The following DUSP11 variants were observed in gnomAD, a reference collection of about 807,000 sequenced individuals.
DUSP11 encodes the protein RNA/RNP complex-1-interacting phosphatase.
DUSP11 carries 27 observed loss-of-function variants against 41.4 expected under a neutral mutation model. The observed-to-expected ratio is 0.65, with a 90% CI of 0.48 to 0.90. DUSP11 has a LOEUF of 0.90. Among genes scored for constraint, DUSP11 ranks in the 40% least tolerant of loss-of-function variants. DUSP11 has a pLI of 0.00. For synonymous variants in DUSP11, 188 were observed against 159.3 expected (o/e 1.18, Z -1.35); for missense variants, 465 against 461.1 (o/e 1.01, Z -0.08).
intron 4 of DUSP11, among the ~76,000 whole-genome samples, chr2:73,770,732 C>G (rs960689214): frequency 1.3e-5 from 2 of 152,224 alleles, no homozygotes; most frequent in East Asian, 3.9e-4. Flanking sequence ...CCTTCATAAA[C>G]TGGTATCAAT....
chr2:73,766,309 C>CAAAAA, intron 8 of DUSP11, 109 bp downstream of exon 8: 1 of 836,878 alleles, frequency 1.2e-6, no homozygotes, highest in Non-Finnish European at 1.7e-6. Context: ...ACTCTGTCTC[C>CAAAAA]AAAAAAAAAA....
intron 1 of DUSP11, 137 bp downstream of exon 1, chr2:73,779,737 G>C: frequency 7.5e-7 from 1 of 1,341,880 alleles, no homozygotes; most frequent in Non-Finnish European, 1.0e-6. Context: ...TGGCGCAGAG[G>C]GTCAAAGCCT....
chr2:73,778,380 T>C lies in DUSP11; in HGVS notation c.243-4A>G. 6.6e-7 allele frequency: 1 copy of C among 1,504,592 alleles called. No homozygotes were observed. The highest frequency in any genetic ancestry group is 8.9e-7 in the Non-Finnish European group (1 of 1,125,602). The allele number at this position is 1,504,592 out of a possible 1,614,324, so 93.2% of individuals were successfully genotyped here. A position where few individuals can be genotyped will look rare whatever the true frequency, so the allele number is the denominator to read the frequency against. Reference sequence around the variant, plus strand: ...AACTGGGAGATAGTCTTTCCACCTATTAGATATATTTTTTGTTAGCCAAAT... The same window carrying C: ...AACTGGGAGATAGTCTTTCCACCTACTAGATATATTTTTTGTTAGCCAAAT... On this transcript the variant is annotated splice_region_variant and splice_polypyrimidine_tract_variant and intron_variant, in intron 1 of 8. Transcript: ENST00000272444.
chr2:73,773,540 T>C lies in DUSP11; in HGVS notation c.574+260A>G, dbSNP rs1374887927. 5.2e-6 allele frequency: 2 copies of C among 387,094 alleles called. 1 individual carries two copies. Among genetic ancestry groups the C allele is most frequent in the South Asian group, 4.7e-5 (2 of 42,510 alleles). The allele number at this position is 387,094 out of a possible 1,614,324, so 24.0% of individuals were successfully genotyped here. A position where few individuals can be genotyped will look rare whatever the true frequency, so the allele number is the denominator to read the frequency against. On this transcript the variant is annotated intron_variant, in intron 4 of 8. Coordinates refer to ENST00000272444, the Ensembl canonical transcript of DUSP11. ...ACAAAAATAACATTTTAATTTTATA[T>C]ATTTCTCATTCAAATTAAAAAAGAA...
chr2:73,762,680 C>A, exon 9 of DUSP11: 1 of 1,612,518 alleles, frequency 6.2e-7, no homozygotes, highest in Non-Finnish European at 8.5e-7. Context: ...CCATTCCCAA[C>A]AGGCTGGATA....
At chr2:73,768,653 C>T in intron 5 of DUSP11, 1 of 985,234 alleles carries the variant, frequency 1.0e-6, no homozygotes, top group Non-Finnish European at 1.2e-6. Flanking sequence ...ACAACGCAGG[C>T]CTTAAAAAGA....
chr2:73,771,326 GCC>G (rs1346598927), intron 4 of DUSP11, among the ~76,000 whole-genome samples: 1 of 152,012 alleles, frequency 6.6e-6, no homozygotes, highest in African/African-American at 2.4e-5. Flanking sequence ...ATGGCTTTAG[GCC>G]CTGTGCCTTT....
intron 7 of DUSP11, 32 bp from the exon 8 acceptor site, chr2:73,766,626 T>G: frequency 6.3e-7 from 1 of 1,574,922 alleles, no homozygotes; most frequent in Non-Finnish European, 8.6e-7. Flanking sequence ...ACAATATTAC[T>G]GGTTTCCAAA....
At position 73,773,801 on chromosome 2, in the gene DUSP11, A is replaced by G; in HGVS notation, c.573T>C (p.Asn191=). The G allele has an allele frequency of 1.2e-6, 2 of 1,604,944 alleles. 1 individual carries two copies. The highest frequency in any genetic ancestry group is 2.2e-5 in the South Asian group (2 of 89,250). ...GTTCAGGTAAGAACAAAAACTCACC[A>G]TTATCTTTATTTTCTTTCAAAAACC... Residue 191 remains asparagine, a splice_region_variant and synonymous_variant, in exon 4 of 9, where the codon AAT becomes AAC. Transcript: ENST00000272444.
chr2:73,767,936 T>A (rs1573178451), intron 5 of DUSP11: 1 of 152,234 alleles, frequency 6.6e-6, no homozygotes, highest in East Asian at 1.9e-4. Flanking sequence ...ACAAAAAAAA[T>A]TCAATGGTTT....
chr2:73,777,153 G>T (rs1200170008), intron 2 of DUSP11, among the ~76,000 whole-genome samples: 1 of 152,038 alleles, frequency 6.6e-6, no homozygotes, highest in Admixed American at 6.6e-5. Flanking sequence ...GTTAATTTTT[G>T]TATTTTTTGT....
At chr2:73,778,145 G>T (rs1220257402) in intron 2 of DUSP11, among the ~76,000 whole-genome samples, 156 bp downstream of exon 2, 1 of 151,992 alleles carries the variant, frequency 6.6e-6, no homozygotes, top group Non-Finnish European at 1.5e-5. Context: ...TATGAAGTAG[G>T]TTGTATGTAC....
At chr2:73,767,127 A>G in intron 6 of DUSP11, 34 bp downstream of exon 6, 1 of 1,578,408 alleles carries the variant, frequency 6.3e-7, no homozygotes, top group Non-Finnish European at 8.7e-7. Flanking sequence ...TAACTTTAAT[A>G]AAAGGGAAAA....
intron 2 of DUSP11, 98 bp downstream of exon 2, chr2:73,778,203 G>C (rs1394125415): frequency 4.0e-6 from 3 of 754,662 alleles, no homozygotes; most frequent in Non-Finnish European, 6.3e-6. Context: ...CAAAGTATTT[G>C]CTATAAAAAG....
At chr2:73,774,194 T>C (rs1003543636) in intron 3 of DUSP11, among the ~76,000 whole-genome samples, 6 of 152,234 alleles carry the variant, frequency 3.9e-5, no homozygotes, top group African/African-American at 1.2e-4. Context: ...TATTTAACTA[T>C]AAATTATATA....
intron 5 of DUSP11, chr2:73,768,991 G>T: frequency 4.4e-5 from 12 of 275,342 alleles, no homozygotes; most frequent in East Asian, 6.6e-5. Flanking sequence ...AGGAGTCCAA[G>T]TATTTTCAAA....
At chr2:73,773,855 A>C (rs1358422716) in exon 4 of DUSP11, 1 of 1,606,738 alleles carries the variant, frequency 6.2e-7, no homozygotes, top group Admixed American at 1.7e-5. Flanking sequence ...ATTTAAAAAT[A>C]GTCTCATCAT....
intron 8 of DUSP11, among the ~76,000 whole-genome samples, chr2:73,765,218 A>C (rs1672436330): frequency 2.0e-5 from 3 of 152,296 alleles, no homozygotes; most frequent in South Asian, 4.1e-4. Flanking sequence ...TGGATACAAC[A>C]AAAAGGCAGA....
At chr2:73,763,142 C>T (rs1446630209) in intron 8 of DUSP11, among the ~76,000 whole-genome samples, 1 of 152,026 alleles carries the variant, frequency 6.6e-6, no homozygotes, top group Non-Finnish European at 1.5e-5. Flanking sequence ...CCTGGCACAC[C>T]GTGGATTCCC....
Sources: allele counts gnomAD v4.1 joint callset (sites outside exome capture counted in the v4.1 genomes callset), GRCh38; gene constraint gnomAD v4.1.1; transcripts MANE v1.5; gene names NCBI Gene and HGNC (gene_info 2026-07-23, HGNC 2026-07-21).